Variants in INIP observed in about 807,000 individuals in gnomAD.
The protein encoded by INIP is SOSS complex subunit C.
A neutral mutation model predicts 14.0 loss-of-function variants in INIP; 9 were observed. The ratio of observed to expected loss-of-function variants is 0.64; its 90% CI spans 0.39 to 1.12. The LOEUF (loss-of-function observed/expected upper bound fraction) is 1.12. INIP is among the 50% of genes most tolerant of loss of function. The pLI is 0.01. For synonymous variants in INIP, 37 were observed against 41.5 expected (o/e 0.89, Z 0.41); for missense variants, 78 against 122.7 (o/e 0.64, Z 1.72).
chr9:112,690,456 G>C (rs1490767920), intron 3 of INIP, among the ~76,000 whole-genome samples: 2 of 152,200 alleles, frequency 1.3e-5, no homozygotes, highest in Non-Finnish European at 2.9e-5. Context: ...CTGGGTGACA[G>C]AGTGAGACCC....
In INIP at chr9:112,694,061, C is replaced by T. The variant is rs950558373; in HGVS notation, c.128+70G>A. 8.3e-5 allele frequency: 85 copies of T among 1,019,766 alleles called. No homozygotes were observed. In the Middle Eastern group the frequency reaches 9.5e-4, roughly 11 times the overall value. 63.2% of individuals were successfully genotyped at this position (1,019,766 alleles called of 1,614,324 possible). ...TTGCACTCCAGCCTGGGGGACAGGG[C>T]GAGACTCCGTCTCAAAACAAAACAA... On this transcript the variant is annotated intron_variant, in intron 3 of 4. Transcript: ENST00000374242.
intron 2 of INIP, among the ~76,000 whole-genome samples, chr9:112,710,196 C>G (rs936178538): frequency 6.6e-6 from 1 of 152,148 alleles, no homozygotes; most frequent in African/African-American, 2.4e-5. Context: ...TTCCCAGGAG[C>G]CTTGCCATTC....
chr9:112,716,865 G>C lies in INIP; in HGVS notation c.-56-324C>G, dbSNP rs1838837481. 2.0e-5 allele frequency among the ~76,000 whole-genome samples: 3 copies of C among 151,310 alleles called. No homozygotes were observed. The South Asian group carries it at 6.2e-4, about 31-fold the overall frequency. ...AGCTACTCGGGAGGGCGAGACGGGA[G>C]AATCACTTGAACCCGGGTGGCGGAG... On this transcript the variant is annotated intron_variant, in intron 1 of 4. Transcript: ENST00000374242.
intron 3 of INIP, among the ~76,000 whole-genome samples, chr9:112,690,401 C>T (rs1837841826): frequency 6.6e-6 from 1 of 151,824 alleles, no homozygotes; most frequent in Non-Finnish European, 1.5e-5. Context: ...ATGGGAGGAT[C>T]GCTTAAGCTT....
intron 2 of INIP, among the ~76,000 whole-genome samples, chr9:112,713,710 G>T (rs1254951368): frequency 6.6e-6 from 1 of 152,032 alleles, no homozygotes; most frequent in African/African-American, 2.4e-5. Flanking sequence ...GGTATCTGAG[G>T]CCGGGCACAG....
chr9:112,710,092 T>G (rs749556185), intron 2 of INIP, among the ~76,000 whole-genome samples: 77 of 152,218 alleles, frequency 5.1e-4, no homozygotes, highest in Non-Finnish European at 1.5e-4. Context: ...GTGGCATACT[T>G]TAGTATAAAC....
intron 2 of INIP, among the ~76,000 whole-genome samples, chr9:112,706,022 G>A (rs1838455393): frequency 6.6e-6 from 1 of 152,150 alleles, no homozygotes; most frequent in Non-Finnish European, 1.5e-5. Context: ...GAGACCTGCC[G>A]CAGGGAAAAG....
intron 2 of INIP, among the ~76,000 whole-genome samples, chr9:112,703,374 C>T (rs898779739): frequency 1.3e-5 from 2 of 152,172 alleles, no homozygotes; most frequent in Non-Finnish European, 2.9e-5. Flanking sequence ...CCCTCCTTAT[C>T]CTCAACTCCA....
Position 112,694,121 on chromosome 9 carries a change from G to C in INIP, c.128+10C>G, listed in dbSNP as rs771800380. On this transcript the variant is annotated intron_variant, in intron 3 of 4. Coordinates refer to ENST00000374242, the MANE Select transcript of INIP (RefSeq NM_021218.3). ...AAACAAACAAAAAACCCACATTATA[G>C]TGTCAATACCTAGCTCCAGGATGAT... is the stretch of plus-strand genomic sequence containing the variant. 2.1e-5 allele frequency: 31 copies of C among 1,510,630 alleles called. No individual in the cohort carries two copies. Among genetic ancestry groups the C allele is most frequent in the Non-Finnish European group, 2.7e-5 (30 of 1,099,340 alleles). The allele number at this position is 1,510,630 out of a possible 1,614,324, so 93.6% of individuals were successfully genotyped here.
rs770521210 is a variant in INIP, at chr9:112,694,235, TA to T, written c.26-3del. On this transcript the variant is annotated splice_polypyrimidine_tract_variant and splice_region_variant and intron_variant, in intron 2 of 4. Coordinates refer to ENST00000374242, the MANE Select transcript of INIP (RefSeq NM_021218.3). The stretch of plus-strand genomic sequence containing the variant: ...CAACTCTATTTTTGTTTTGAAAACC[TA>T]AAAAAAAGAGGGGAATAGGAGAAAA... 5.2e-5 allele frequency: 81 copies of T among 1,554,820 alleles called. No homozygotes were observed. Among genetic ancestry groups the T allele is most frequent in the Admixed American group, 8.9e-5 (5 of 56,016 alleles).
rs1038006529 is a variant in INIP at position 112,685,946 on chromosome 9, T to A, written c.*1592A>T. On this transcript the variant is annotated 3_prime_UTR_variant, in exon 5 of 5. Coordinates refer to ENST00000374242, the MANE Select transcript of INIP (RefSeq NM_021218.3). The stretch of plus-strand genomic sequence containing the variant: ...CTACATGGCACAGCCAATTCTAGAA[T>A]TGTCCACTCTTGCTTCACTTGGTTT... 1.3e-5 allele frequency: 2 copies of A among 152,208 alleles called. No individual in the cohort carries two copies. The highest frequency in any genetic ancestry group is 4.8e-5 in the African/African-American group (2 of 41,458). 9.4% of individuals were successfully genotyped at this position (152,208 alleles called of 1,614,324 possible).
chr9:112,709,120 C>A (rs764005039), intron 2 of INIP, among the ~76,000 whole-genome samples: 1 of 151,922 alleles, frequency 6.6e-6, no homozygotes, highest in Non-Finnish European at 1.5e-5. Context: ...TTTTTCTACC[C>A]ATTGAGGTTT....
chr9:112,717,729 C>A (rs994662705), intron 1 of INIP, among the ~76,000 whole-genome samples: 1 of 152,094 alleles, frequency 6.6e-6, no homozygotes, highest in Non-Finnish European at 1.5e-5. Flanking sequence ...GCGAGCAATG[C>A]GGGGTTAGGA....
chr9:112,706,218 T>C (rs1838463854), intron 2 of INIP, among the ~76,000 whole-genome samples: 1 of 152,098 alleles, frequency 6.6e-6, no homozygotes, highest in Non-Finnish European at 1.5e-5. Context: ...TTGGCAAGGA[T>C]GTGGAGAAAA....
intron 2 of INIP, among the ~76,000 whole-genome samples, chr9:112,710,138 A>G (rs1279419864): frequency 2.0e-5 from 3 of 152,186 alleles, no homozygotes; most frequent in Non-Finnish European, 4.4e-5. Context: ...TGGACCATAT[A>G]TGGTTTAGGT....
At chr9:112,697,726 C>T (rs1389023250) in intron 2 of INIP, among the ~76,000 whole-genome samples, 5 of 152,166 alleles carry the variant, frequency 3.3e-5, no homozygotes, top group Non-Finnish European at 5.9e-5. Context: ...CATGGTATCA[C>T]AACAACCAAA....
rs76607714 is a variant in INIP at position 112,685,264 on chromosome 9, A to G, written c.*2274T>C. 4.8e-4 allele frequency: 70 copies of G among 144,910 alleles called. No homozygotes were observed. The highest frequency in any genetic ancestry group is 1.6e-3 in the African/African-American group (61 of 39,160). The allele number at this position is 144,910 out of a possible 1,614,324, so 9.0% of individuals were successfully genotyped here. A position where few individuals can be genotyped will look rare whatever the true frequency, so the allele number is the denominator to read the frequency against. ...AGCCAATCTTTTTTTTTTTTTTTTAATTTTTTAGTAGAGACAGGGGTCTCA... is the reference window on the plus strand; with the variant it reads ...AGCCAATCTTTTTTTTTTTTTTTTAGTTTTTTAGTAGAGACAGGGGTCTCA... On this transcript the variant is annotated 3_prime_UTR_variant, in exon 5 of 5. Transcript: ENST00000374242.
At chr9:112,695,080 C>T (rs1339441303) in intron 2 of INIP, among the ~76,000 whole-genome samples, 6 of 152,062 alleles carry the variant, frequency 3.9e-5, no homozygotes, top group Non-Finnish European at 7.4e-5. Context: ...GATCTATATG[C>T]CCCCACGGCA....
At chr9:112,716,903 C>G (rs1479364512) in intron 1 of INIP, among the ~76,000 whole-genome samples, 1 of 149,926 alleles carries the variant, frequency 6.7e-6, no homozygotes, top group Non-Finnish European at 1.5e-5. Flanking sequence ...TGCAGTGAGC[C>G]GAGATCGCGC....
Sources: allele counts gnomAD v4.1 joint callset (sites outside exome capture counted in the v4.1 genomes callset), GRCh38; gene constraint gnomAD v4.1.1; transcripts MANE v1.5; gene names NCBI Gene and HGNC (gene_info 2026-07-23, HGNC 2026-07-21).